IL1RAPL2: variants seen among roughly 807,000 people sequenced by gnomAD.
IL1RAPL2 encodes interleukin 1 receptor accessory protein like 2, also known as X-linked interleukin-1 receptor accessory protein-like 2.
IL1RAPL2 carries 3 observed loss-of-function variants against 44.1 expected under a neutral mutation model. That is an observed-to-expected ratio of 0.07 (90% confidence interval 0.03 to 0.18). IL1RAPL2 has a LOEUF of 0.18. IL1RAPL2 is among the 10% of genes least tolerant of loss of function. The pLI, the probability that IL1RAPL2 is intolerant of heterozygous loss-of-function variation, is 1.00. For missense variants in IL1RAPL2, 391 were observed against 496.4 expected, an observed-to-expected ratio of 0.79 and a Z score of 2.02; for synonymous variants, 181 against 178.8, an observed-to-expected ratio of 1.01 and a Z score of -0.10.
intron 5 of IL1RAPL2, among the ~76,000 whole-genome samples, chrX:105,453,324 C>T (rs2036032492): frequency 8.9e-6 from 1 of 112,088 alleles, no homozygotes; most frequent in Non-Finnish European, 1.9e-5. Context: ...TCATATTCTC[C>T]CATGTGCAAG....
chrX:104,910,182 G>A (rs1373190065), intron 2 of IL1RAPL2, among the ~76,000 whole-genome samples: 1 of 111,920 alleles, frequency 8.9e-6, no homozygotes, highest in African/African-American at 3.2e-5. Flanking sequence ...TGCGCTTCCC[G>A]AGTGAGGCAA....
chrX:105,457,216 A>G (rs2036062121), intron 5 of IL1RAPL2, among the ~76,000 whole-genome samples: 1 of 111,472 alleles, frequency 9.0e-6, no homozygotes, highest in Non-Finnish European at 1.9e-5. Context: ...CATTAATTGT[A>G]TTATTTGTTG....
chrX:104,585,254 AAT>A (rs66611907), intron 1 of IL1RAPL2, among the ~76,000 whole-genome samples: 9,627 of 31,705 alleles, frequency 0.3, 1,891 homozygotes, highest in East Asian at 0.43. Context: ...TATGATATAT[AAT>A]ATATATATAA....
chrX:105,466,587 C>T (rs1460925699), intron 5 of IL1RAPL2, among the ~76,000 whole-genome samples: 1 of 111,823 alleles, frequency 8.9e-6, no homozygotes, highest in Non-Finnish European at 1.9e-5. Context: ...CTTCATCTGT[C>T]ACTCTTTCTT....
intron 2 of IL1RAPL2, among the ~76,000 whole-genome samples, chrX:104,857,765 A>T (rs17332169): frequency 0.029 from 3,214 of 111,076 alleles, 45 homozygotes; most frequent in Non-Finnish European, 0.047. Flanking sequence ...CACCTCTGAA[A>T]GTCCTCCTAC....
chrX:105,670,594 C>T (rs1466701848), intron 6 of IL1RAPL2, among the ~76,000 whole-genome samples: 3 of 100,705 alleles, frequency 3.0e-5, no homozygotes, highest in Non-Finnish European at 6.1e-5. Context: ...CCACCGCGCC[C>T]GGCCAATCTT....
chrX:105,297,486 C>A, intron 5 of IL1RAPL2, among the ~76,000 whole-genome samples: 1 of 110,538 alleles, frequency 9.0e-6, no homozygotes, highest in Admixed American at 9.7e-5. Context: ...CTGGGGGGTG[C>A]CTCAGGAAAC....
intron 2 of IL1RAPL2, among the ~76,000 whole-genome samples, chrX:105,059,505 A>T (rs2032043461): frequency 8.9e-6 from 1 of 111,926 alleles, no homozygotes; most frequent in South Asian, 3.7e-4. Flanking sequence ...GATGTACCAG[A>T]TGTGCCAAAT....
intron 2 of IL1RAPL2, among the ~76,000 whole-genome samples, chrX:105,144,347 A>G (rs2033159471): frequency 9.0e-6 from 1 of 111,291 alleles, no homozygotes. Context: ...TATGGTAGGT[A>G]AATGAGCAGA....
intron 2 of IL1RAPL2, among the ~76,000 whole-genome samples, chrX:105,171,151 T>C (rs2033419682): frequency 8.9e-6 from 1 of 111,763 alleles, no homozygotes; most frequent in South Asian, 3.8e-4. Context: ...TCCAAATCTT[T>C]TGAGAATTCA....
chrX:105,459,721 G>T (rs747849561), intron 5 of IL1RAPL2, among the ~76,000 whole-genome samples: 3 of 111,460 alleles, frequency 2.7e-5, no homozygotes, highest in East Asian at 5.6e-4. Flanking sequence ...AGCATTTGGG[G>T]CATGTGTGTG....
At chrX:105,340,408 C>T (rs2035061707) in intron 5 of IL1RAPL2, among the ~76,000 whole-genome samples, 1 of 112,041 alleles carries the variant, frequency 8.9e-6, no homozygotes, top group South Asian at 3.7e-4. Flanking sequence ...GCCTGATTTA[C>T]TGCAAAAATC....
chrX:105,489,787 TTCTCTCTCTC>T (rs36081932), intron 6 of IL1RAPL2, among the ~76,000 whole-genome samples: 92 of 73,387 alleles, frequency 1.3e-3, no homozygotes, highest in Middle Eastern at 0.017. Context: ...CTTTCTCTCT[TTCTCTCTCTC>T]TCTCTCTCTC....
At chrX:105,287,821 G>A (rs1017778013) in intron 5 of IL1RAPL2, among the ~76,000 whole-genome samples, 3 of 111,413 alleles carry the variant, frequency 2.7e-5, no homozygotes, top group Non-Finnish European at 5.7e-5. Context: ...GTATGACAAG[G>A]TTCATTCAAT....
chrX:105,249,360 G>T (rs1287115141), intron 4 of IL1RAPL2, among the ~76,000 whole-genome samples: 1 of 111,086 alleles, frequency 9.0e-6, no homozygotes, highest in African/African-American at 3.3e-5. Context: ...GTATGGAGGG[G>T]TTGCAGAGAG....
chrX:104,815,606 T>C (rs1414951814), intron 2 of IL1RAPL2, among the ~76,000 whole-genome samples: 1 of 112,253 alleles, frequency 8.9e-6, no homozygotes, highest in Non-Finnish European at 1.9e-5. Context: ...TTTTATGTTT[T>C]TTAATGCATA....
Position 105,027,632 on chromosome X carries a change from A to T in IL1RAPL2, c.83-167843A>T, listed in dbSNP as rs191688723. 7.1e-5 allele frequency among the ~76,000 whole-genome samples: 8 copies of T among 111,934 alleles called. No individual in the cohort carries two copies. The East Asian group carries it at 1.7e-3, about 24-fold the overall frequency. On this transcript the variant is annotated intron_variant, in intron 2 of 10. Transcript: ENST00000372582. ...CAAATCAAAACTACAATGAGACATC[A>T]TCTCACCCCAGTTAGAATGGCTTAT...
intron 6 of IL1RAPL2, among the ~76,000 whole-genome samples, chrX:105,545,545 C>A (rs760915758): frequency 8.9e-6 from 1 of 111,877 alleles, no homozygotes; most frequent in Admixed American, 9.5e-5. Flanking sequence ...GGAAGCCATG[C>A]GAGAATTGGG....
At chrX:104,999,848 T>G (rs2030820983) in intron 2 of IL1RAPL2, among the ~76,000 whole-genome samples, 1 of 111,797 alleles carries the variant, frequency 8.9e-6, no homozygotes, top group South Asian at 3.7e-4. Context: ...TTTTCCCCTA[T>G]GTACAAGGCA....
Sources: allele counts gnomAD v4.1 joint callset (sites outside exome capture counted in the v4.1 genomes callset), GRCh38; gene constraint gnomAD v4.1.1; transcripts MANE v1.5; gene names NCBI Gene and HGNC (gene_info 2026-07-23, HGNC 2026-07-21).